Variants in FOXK1 observed in about 807,000 individuals in gnomAD.
The protein encoded by FOXK1 is forkhead box protein K1.
In FOXK1, 19 loss-of-function variants were observed where a neutral mutation model predicts 51.9. The ratio of observed to expected loss-of-function variants is 0.37; its 90% confidence interval spans 0.26 to 0.54. The LOEUF (loss-of-function observed/expected upper bound fraction) is 0.54. Among genes scored for constraint, FOXK1 ranks in the 20% least tolerant of loss-of-function variants. The probability of loss-of-function intolerance (pLI) is 0.87; values close to 1 mark genes in which losing one functional copy is unlikely to be tolerated. For missense variants in FOXK1, 870 were observed against 1,032.7 expected (o/e 0.84, Z 2.16); for synonymous variants, 537 against 482.6 (o/e 1.11, Z -1.48).
chr7:4,750,330 T>A (rs1268394598), intron 2 of FOXK1, among the ~76,000 whole-genome samples: 1 of 152,234 alleles, frequency 6.6e-6, no homozygotes, highest in East Asian at 1.9e-4. Context: ...ATTCCCTGTT[T>A]CCTGGAATTG....
Position 4,757,657 on chromosome 7 carries a change from A to T in FOXK1, c.1244+470A>T, listed in dbSNP as rs1392688381. Among the ~76,000 whole-genome samples the T allele has an allele frequency of 3.4e-5, 5 of 148,072 alleles. No individual in the cohort carries two copies. In the South Asian group the frequency reaches 6.3e-4, roughly 19 times the overall value. ...CTCAAAAAAAAAAAAAAAAAAAAAAAAAAAAAAGTAATACAAATGAAACAA... is the reference window on the plus strand; with the variant it reads ...CTCAAAAAAAAAAAAAAAAAAAAAATAAAAAAAGTAATACAAATGAAACAA... On this transcript the variant is annotated intron_variant, in intron 5 of 8. Coordinates refer to ENST00000328914, the MANE Select transcript of FOXK1 (RefSeq NM_001037165.2).
Position 4,707,261 on chromosome 7 carries a change from G to C in FOXK1, c.560+24393G>C, listed in dbSNP as rs1780113803. On this transcript the variant is annotated intron_variant, in intron 1 of 8. Transcript: ENST00000328914. The surrounding 1 kb of genome is among the most constrained non-coding windows in gnomAD (Gnocchi z 4.1). ...GCGTTCGGGGTGGTGTTCTGGTGGA[G>C]GGGACGCTGGTAAAGAGCAGGTCTG... Among the ~76,000 whole-genome samples the C allele has an allele frequency of 6.6e-6, 1 of 152,186 alleles. No homozygotes were observed. The highest frequency in any genetic ancestry group is 2.4e-5 in the African/African-American group (1 of 41,436).
intron 5 of FOXK1, 47 bp downstream of exon 5, chr7:4,757,234 C>T (rs1780864803): frequency 2.0e-6 from 3 of 1,522,660 alleles, no homozygotes; most frequent in Admixed American, 1.9e-5. Context: ...GAAAGCTGAG[C>T]TGCCCTGGAG....
At chr7:4,717,879 C>T (rs1377322117) in intron 1 of FOXK1, among the ~76,000 whole-genome samples, 1 of 152,178 alleles carries the variant, frequency 6.6e-6, no homozygotes, top group African/African-American at 2.4e-5. Flanking sequence ...GGGCTCTGGT[C>T]TCAGATTGGG....
Position 4,765,803 on chromosome 7 carries a change from G to A in FOXK1, c.*3339G>A, listed in dbSNP as rs986700897. 6.6e-6 allele frequency: 1 copy of A among 152,276 alleles called. No homozygotes were observed. Among genetic ancestry groups the A allele is most frequent in the Non-Finnish European group, 1.5e-5 (1 of 68,068 alleles). The allele number at this position is 152,276 out of a possible 1,614,324, so 9.4% of individuals were successfully genotyped here. On this transcript the variant is annotated 3_prime_UTR_variant, in exon 9 of 9. Transcript: ENST00000328914. ...ACAAGAAAACACCTGCTTTGGCTAG[G>A]AGGTAAGTCCCAAAAAGAACGTCTT...
At chr7:4,689,416 G>A (rs1779865215) in intron 1 of FOXK1, among the ~76,000 whole-genome samples, 1 of 152,150 alleles carries the variant, frequency 6.6e-6, no homozygotes, top group African/African-American at 2.4e-5. Context: ...AGCAGAAAAA[G>A]TAATTGTAAC....
Position 4,683,058 on chromosome 7 carries a change from G to C in FOXK1, c.560+190G>C, listed in dbSNP as rs1779773504. Reference sequence around the variant, plus strand: ...CGACCCCCGCCTCCTGGCTCCCTAGGATCACCCCGACCCCGATCCTGGAGG... The same window carrying C: ...CGACCCCCGCCTCCTGGCTCCCTAGCATCACCCCGACCCCGATCCTGGAGG... On this transcript the variant is annotated intron_variant, in intron 1 of 8. Coordinates refer to ENST00000328914, the MANE Select transcript of FOXK1 (RefSeq NM_001037165.2). This position sits in a 1 kb window ranked among gnomAD's most constrained non-coding sequence, Gnocchi z 4.5. Among the ~76,000 whole-genome samples the C allele has an allele frequency of 6.7e-6, 1 of 148,314 alleles. No individual in the cohort carries two copies. Among genetic ancestry groups the C allele is most frequent in the Non-Finnish European group, 1.5e-5 (1 of 67,160 alleles).
chr7:4,741,654 G>A (rs1291242404), intron 2 of FOXK1, among the ~76,000 whole-genome samples: 1 of 152,220 alleles, frequency 6.6e-6, no homozygotes, highest in African/African-American at 2.4e-5. Flanking sequence ...AGTAATATTT[G>A]TCCACCAGGA....
Position 4,756,762 on chromosome 7 carries a change from CA to C in FOXK1, c.1051-218del, listed in dbSNP as rs770973811. On this transcript the variant is annotated intron_variant, in intron 4 of 8. Coordinates refer to ENST00000328914, the MANE Select transcript of FOXK1 (RefSeq NM_001037165.2). This position sits in a 1 kb window ranked among gnomAD's most constrained non-coding sequence, Gnocchi z 4.1. ...CCTGGGCGACAGAATGAGACTCCGT[CA>C]AAAAAAAAAAAAAGGTAAAATGGTA... 8.5e-3 allele frequency among the ~76,000 whole-genome samples: 1,111 copies of C among 130,842 alleles called. 14 individuals are homozygous for C. The highest frequency in any genetic ancestry group is 7.2e-3 in the Non-Finnish European group (435 of 60,362). 85.8% of individuals were successfully genotyped at this position (130,842 alleles called of 152,430 possible). A position where few individuals can be genotyped will look rare whatever the true frequency, so the allele number is the denominator to read the frequency against.
At chr7:4,692,433 T>C (rs1387023405) in intron 1 of FOXK1, among the ~76,000 whole-genome samples, 1 of 152,214 alleles carries the variant, frequency 6.6e-6, no homozygotes, top group East Asian at 1.9e-4. Context: ...TTTGCTCTGT[T>C]GCCCAGGCTG....
chr7:4,684,104 C>T (rs1323129122), intron 1 of FOXK1, among the ~76,000 whole-genome samples: 2 of 152,196 alleles, frequency 1.3e-5, no homozygotes, highest in African/African-American at 4.8e-5. Flanking sequence ...AGCTCCACTG[C>T]CCTCCGCACC....
At chr7:4,737,573 T>TGTGTGTGTGTGTGC (rs896937410) in intron 1 of FOXK1, among the ~76,000 whole-genome samples, 20 of 151,940 alleles carry the variant, frequency 1.3e-4, no homozygotes, top group African/African-American at 4.8e-4. Flanking sequence ...TGTGTGTGTG[T>TGTGTGTGTGTGTGC]GCATGCATGT....
At position 4,755,975 on chromosome 7, in the gene FOXK1, GTTA is replaced by G. The variant is rs749703871; in HGVS notation, c.1050+595_1050+597del. Among the ~76,000 whole-genome samples the G allele has an allele frequency of 2.0e-5, 3 of 152,172 alleles. No homozygotes were observed. The highest frequency in any genetic ancestry group is 2.9e-5 in the Non-Finnish European group (2 of 68,034). The stretch of plus-strand genomic sequence containing the variant: ...AAGTTGGAAAAATGTACCATATACT[GTTA>G]TTCAAACAATCCACATGTCTGAATT... On this transcript the variant is annotated intron_variant, in intron 4 of 8. Transcript: ENST00000328914. The surrounding 1 kb of genome is among the most constrained non-coding windows in gnomAD (Gnocchi z 6.6).
chr7:4,747,518 T>G lies in FOXK1; in HGVS notation c.746+6495T>G, dbSNP rs1780720582. On this transcript the variant is annotated intron_variant, in intron 2 of 8. Coordinates refer to ENST00000328914, the MANE Select transcript of FOXK1 (RefSeq NM_001037165.2). The surrounding 1 kb of genome is among the most constrained non-coding windows in gnomAD (Gnocchi z 9.2). ...TTTAATGCTGGTTCCAATTTGGGTT[T>G]GGGGGGTTGATTTTGTTTTTGTTTG... is the stretch of plus-strand genomic sequence containing the variant. 6.6e-6 allele frequency among the ~76,000 whole-genome samples: 1 copy of G among 152,180 alleles called. No homozygotes were observed. Among genetic ancestry groups the G allele is most frequent in the African/African-American group, 2.4e-5 (1 of 41,434 alleles).
At position 4,761,564 on chromosome 7, in the gene FOXK1, C is replaced by T. The variant is rs531661771; in HGVS notation, c.1921+276C>T. On this transcript the variant is annotated intron_variant, in intron 8 of 8. Transcript: ENST00000328914. The surrounding 1 kb of genome is among the most constrained non-coding windows in gnomAD (Gnocchi z 6.2). Reference sequence around the variant, plus strand: ...GCAACATAGCAAGACCCCATCTCTACATAAGATTCAAAAACTTAGCCAGGT... The same window carrying T: ...GCAACATAGCAAGACCCCATCTCTATATAAGATTCAAAAACTTAGCCAGGT... Among the ~76,000 whole-genome samples, 35 of 152,140 alleles carry T rather than the reference C, an allele frequency of 2.3e-4. No individual in the cohort carries two copies. The highest frequency in any genetic ancestry group is 6.2e-4 in the South Asian group (3 of 4,830).
At chr7:4,740,410 A>G (rs947269753) in intron 1 of FOXK1, among the ~76,000 whole-genome samples, 5 of 149,980 alleles carry the variant, frequency 3.3e-5, no homozygotes. Flanking sequence ...AGCCTGGGCG[A>G]CAGAGTGAGA....
intron 1 of FOXK1, among the ~76,000 whole-genome samples, chr7:4,708,933 C>A (rs975850070): frequency 6.6e-6 from 1 of 152,012 alleles, no homozygotes; most frequent in East Asian, 1.9e-4. Flanking sequence ...GGCGTGATGG[C>A]GTGTGCCTGT....
At chr7:4,685,935 T>TC (rs1463692860) in intron 1 of FOXK1, among the ~76,000 whole-genome samples, 5 of 148,200 alleles carry the variant, frequency 3.4e-5, no homozygotes, top group African/African-American at 9.9e-5. Flanking sequence ...AGAGCAAGAC[T>TC]CCATCTCAAT....
At chr7:4,727,104 C>T (rs1780390305) in intron 1 of FOXK1, among the ~76,000 whole-genome samples, 1 of 151,940 alleles carries the variant, frequency 6.6e-6, no homozygotes, top group Non-Finnish European at 1.5e-5. Context: ...CACCACTATG[C>T]CAGGCTAATT....
Sources: allele counts gnomAD v4.1 joint callset (sites outside exome capture counted in the v4.1 genomes callset), GRCh38; gene constraint gnomAD v4.1.1; non-coding constraint Gnocchi (gnomAD v3.1); transcripts MANE v1.5; gene names NCBI Gene and HGNC (gene_info 2026-07-23, HGNC 2026-07-21).